The following RASAL2 variants were observed in gnomAD, a reference collection of about 807,000 sequenced individuals.
The protein encoded by RASAL2 is ras GTPase-activating protein nGAP.
A neutral mutation model predicts 128.9 loss-of-function variants in RASAL2; 58 were observed. The observed-to-expected ratio is 0.45, with a 90% confidence interval of 0.36 to 0.56. The LOEUF is 0.56. Among genes scored for constraint, RASAL2 ranks in the 20% least tolerant of loss-of-function variants. The pLI, the probability that RASAL2 is intolerant of heterozygous loss-of-function variation, is 0.00. For missense variants in RASAL2, 1,360 were observed against 1,601.6 expected, an observed-to-expected ratio of 0.85 and a Z score of 2.57; for synonymous variants, 561 against 580.8, an observed-to-expected ratio of 0.97 and a Z score of 0.49.
intron 4 of RASAL2, among the ~76,000 whole-genome samples, chr1:178,402,438 A>G (rs1572009197): frequency 6.6e-6 from 1 of 152,078 alleles, no homozygotes; most frequent in African/African-American, 2.4e-5. Context: ...TATTATATAT[A>G]GTAAGGACCA....
intron 3 of RASAL2, among the ~76,000 whole-genome samples, chr1:178,355,885 A>G (rs1006197489): frequency 6.6e-6 from 1 of 152,110 alleles, no homozygotes; most frequent in East Asian, 1.9e-4. Context: ...AACCACAACA[A>G]TGGGGCCAGG....
intron 3 of RASAL2, among the ~76,000 whole-genome samples, chr1:178,320,283 A>G (rs1319469647): frequency 6.6e-6 from 1 of 152,176 alleles, no homozygotes; most frequent in Non-Finnish European, 1.5e-5. Context: ...TGGAGCCTAC[A>G]GGGGCAGGCA....
At chr1:178,276,965 G>A (rs1247393064) in intron 1 of RASAL2, among the ~76,000 whole-genome samples, 3 of 151,512 alleles carry the variant, frequency 2.0e-5, no homozygotes, top group Admixed American at 1.3e-4. Flanking sequence ...TGGCTAACAC[G>A]GTAAAACCCC....
intron 3 of RASAL2, among the ~76,000 whole-genome samples, chr1:178,309,058 C>T (rs931349402): frequency 1.3e-5 from 2 of 151,964 alleles, no homozygotes; most frequent in African/African-American, 4.8e-5. Flanking sequence ...TATGGTAGTA[C>T]TCAATATTTA....
chr1:178,443,246 G>A lies in RASAL2; in HGVS notation c.1482+17G>A, dbSNP rs374489106. On this transcript the variant is annotated intron_variant, in intron 8 of 17. Transcript: ENST00000367649. ...AGAGCCAAGGTAAGTGGAAAAGGGG[G>A]ATTGCAGTACCTGAAGTCTCTTCCC... 5.5e-5 allele frequency: 86 copies of A among 1,570,708 alleles called. No individual in the cohort carries two copies. Among genetic ancestry groups the A allele is most frequent in the Non-Finnish European group, 6.3e-5 (72 of 1,146,808 alleles).
rs1239122018 is a variant in RASAL2 at position 178,476,174 on chromosome 1, A to G, written c.*2935A>G. 6.6e-6 allele frequency: 1 copy of G among 152,162 alleles called. No homozygotes were observed. The highest frequency in any genetic ancestry group is 1.5e-5 in the Non-Finnish European group (1 of 68,066). 9.4% of individuals were successfully genotyped at this position (152,162 alleles called of 1,614,324 possible). ...AACACCACATTGTGGGGCGCAGGAT[A>G]GATCAGGGTTGAGTGGAATTTGGAA... is the stretch of plus-strand genomic sequence containing the variant. On this transcript the variant is annotated 3_prime_UTR_variant, in exon 18 of 18. Coordinates refer to ENST00000367649, the MANE Select transcript of RASAL2 (RefSeq NM_170692.4).
intron 8 of RASAL2, among the ~76,000 whole-genome samples, chr1:178,444,668 T>A (rs543397383): frequency 9.1e-4 from 138 of 152,244 alleles, no homozygotes; most frequent in Middle Eastern, 3.4e-3. Context: ...CCCCTTATGC[T>A]ATCCTTCTGG....
intron 1 of RASAL2, among the ~76,000 whole-genome samples, chr1:178,113,667 G>C (rs55782280): frequency 2.0e-5 from 3 of 151,918 alleles, no homozygotes; most frequent in Admixed American, 6.6e-5. Context: ...ATAGCTGTGA[G>C]CCACCACACC....
chr1:178,289,280 T>G lies in RASAL2; in HGVS notation c.330+5589T>G, dbSNP rs549469143. On this transcript the variant is annotated intron_variant, in intron 2 of 17. Transcript: ENST00000367649. ...TTTTCCTATTTGGCTTCCATGACACTGTGTTCTTTTTCTTTCCTGCCTCTC... is the reference window on the plus strand; with the variant it reads ...TTTTCCTATTTGGCTTCCATGACACGGTGTTCTTTTTCTTTCCTGCCTCTC... Among the ~76,000 whole-genome samples, 17 of 152,278 alleles carry G rather than the reference T, an allele frequency of 1.1e-4. No homozygotes were observed. In the South Asian group the frequency reaches 3.5e-3, roughly 32 times the overall value.
intron 1 of RASAL2, among the ~76,000 whole-genome samples, chr1:178,197,174 G>A (rs1290044421): frequency 6.6e-6 from 1 of 152,156 alleles, no homozygotes; most frequent in African/African-American, 2.4e-5. Flanking sequence ...TTAGCCAGGT[G>A]TGGCCGGGCG....
chr1:178,198,288 C>T (rs908342115), intron 1 of RASAL2, among the ~76,000 whole-genome samples: 2 of 152,154 alleles, frequency 1.3e-5, no homozygotes, highest in African/African-American at 4.8e-5. Flanking sequence ...CACTGTCTTC[C>T]ACAATGGTTG....
At chr1:178,303,820 G>A (rs560494013) in intron 3 of RASAL2, among the ~76,000 whole-genome samples, 7 of 152,180 alleles carry the variant, frequency 4.6e-5, no homozygotes, top group African/African-American at 1.7e-4. Flanking sequence ...TTAACGAAGA[G>A]TTCACTGAGG....
chr1:178,253,628 G>A (rs1665163449), intron 1 of RASAL2, among the ~76,000 whole-genome samples: 1 of 152,086 alleles, frequency 6.6e-6, no homozygotes, highest in African/African-American at 2.4e-5. Flanking sequence ...ATAAGATTTG[G>A]GTAGGTAAAG....
chr1:178,361,609 T>C (rs866389204), intron 3 of RASAL2, among the ~76,000 whole-genome samples: 1 of 152,228 alleles, frequency 6.6e-6, no homozygotes, highest in East Asian at 1.9e-4. Flanking sequence ...TACAGACTTT[T>C]GTTCTCATCA....
At chr1:178,308,077 C>T (rs1668076784) in intron 3 of RASAL2, among the ~76,000 whole-genome samples, 4 of 152,030 alleles carry the variant, frequency 2.6e-5, no homozygotes, top group Middle Eastern at 3.4e-3. Flanking sequence ...AAAGTTATCC[C>T]GTCATCTTAC....
At chr1:178,408,411 A>T (rs1674125338) in intron 4 of RASAL2, among the ~76,000 whole-genome samples, 1 of 152,118 alleles carries the variant, frequency 6.6e-6, no homozygotes, top group African/African-American at 2.4e-5. Context: ...TTTAAATTTT[A>T]TATTTGGATT....
intron 5 of RASAL2, among the ~76,000 whole-genome samples, chr1:178,426,618 T>C (rs1174543519): frequency 6.6e-6 from 1 of 151,332 alleles, no homozygotes; most frequent in Non-Finnish European, 1.5e-5. Context: ...AAAAAAAAAT[T>C]AAAATTTTCT....
At chr1:178,267,365 A>G (rs942146641) in intron 1 of RASAL2, among the ~76,000 whole-genome samples, 10 of 151,786 alleles carry the variant, frequency 6.6e-5, no homozygotes, top group African/African-American at 2.2e-4. Flanking sequence ...AACCATTCCA[A>G]CTTCCTCACT....
intron 1 of RASAL2, among the ~76,000 whole-genome samples, chr1:178,155,363 T>G (rs1413694522): frequency 6.6e-6 from 1 of 151,714 alleles, no homozygotes; most frequent in Non-Finnish European, 1.5e-5. Context: ...ACATTTCCCC[T>G]GATAAATTTG....
Sources: gnomAD v4.1 joint callset for allele counts (sites outside exome capture counted in the v4.1 genomes callset) on GRCh38, gnomAD v4.1.1 for gene constraint, MANE v1.5 for transcripts, NCBI Gene and HGNC (gene_info 2026-07-23, HGNC 2026-07-21) for gene names.